The following ATP9B variants were observed in gnomAD, a reference collection of about 807,000 sequenced individuals.
The protein encoded by ATP9B is ATPase phospholipid transporting 9B.
In ATP9B, 110 loss-of-function variants were observed where a neutral mutation model predicts 146.1. The ratio of observed to expected loss-of-function variants is 0.75; its 90% CI spans 0.65 to 0.88. The LOEUF (loss-of-function observed/expected upper bound fraction) is 0.88, where lower values mean the gene tolerates loss of function less well. ATP9B is among the 40% of genes least tolerant of loss of function. The pLI, the probability that ATP9B is intolerant of heterozygous loss-of-function variation, is 0.00. For synonymous variants in ATP9B, 604 were observed against 569.7 expected (o/e 1.06, Z -0.86); for missense variants, 1,499 against 1,496.4 (o/e 1.00, Z -0.03).
chr18:79,074,183 T>C (rs575883371), intron 1 of ATP9B, among the ~76,000 whole-genome samples: 1 of 152,274 alleles, frequency 6.6e-6, no homozygotes, highest in East Asian at 1.9e-4. Flanking sequence ...CTGGTCTCTG[T>C]TGGTGCTGCG....
At position 79,368,114 on chromosome 18, in the gene ATP9B, G is replaced by T. The variant is rs150553923; in HGVS notation, c.3013-4711G>T. On this transcript the variant is annotated intron_variant, in intron 26 of 29. Transcript: ENST00000426216. ...GAGCTGGACGGCGCCGTGGCCCCGG[G>T]TGAGCTGGAGGGCGCCATGGGGCTG... is the stretch of plus-strand genomic sequence containing the variant. Among the ~76,000 whole-genome samples, 231 of 152,304 alleles carry T rather than the reference G, an allele frequency of 1.5e-3. 6 individuals carry two copies. The East Asian group carries it at 0.033, about 22-fold the overall frequency.
At chr18:79,330,562 G>A (rs762633714) in intron 17 of ATP9B, among the ~76,000 whole-genome samples, 4 of 151,906 alleles carry the variant, frequency 2.6e-5, no homozygotes, top group Non-Finnish European at 5.9e-5. Context: ...ACAGGCACCC[G>A]CCACCATGCC....
chr18:79,149,091 T>G (rs2094640698), intron 6 of ATP9B, among the ~76,000 whole-genome samples: 1 of 152,242 alleles, frequency 6.6e-6, no homozygotes, highest in Admixed American at 6.5e-5. Context: ...TTTCCCAAAA[T>G]TGTTTTGTAC....
At chr18:79,337,496 A>T (rs1191032080) in intron 19 of ATP9B, 47 bp downstream of exon 19, 1 of 1,582,036 alleles carries the variant, frequency 6.3e-7, no homozygotes, top group African/African-American at 1.3e-5. Flanking sequence ...TTGCTGAAGC[A>T]AACAGTGCTT....
chr18:79,349,450 G>T (rs1419444053), intron 25 of ATP9B, among the ~76,000 whole-genome samples: 3 of 152,202 alleles, frequency 2.0e-5, no homozygotes. Flanking sequence ...GTTGTCAGGG[G>T]CTGGCGCCGG....
chr18:79,087,974 A>G (rs185391191), intron 1 of ATP9B, among the ~76,000 whole-genome samples: 8 of 152,332 alleles, frequency 5.3e-5, no homozygotes, highest in Middle Eastern at 3.4e-3. Flanking sequence ...TTAAGTGTGT[A>G]TGACACCAGG....
chr18:79,082,036 A>G (rs937859340), intron 1 of ATP9B, among the ~76,000 whole-genome samples: 3 of 152,292 alleles, frequency 2.0e-5, no homozygotes, highest in Non-Finnish European at 4.4e-5. Flanking sequence ...CGTCACATTC[A>G]TTCACACAAT....
chr18:79,125,424 A>T (rs1238326841), intron 4 of ATP9B, among the ~76,000 whole-genome samples: 2 of 152,330 alleles, frequency 1.3e-5, no homozygotes, highest in South Asian at 2.1e-4. Context: ...AATACAAGAA[A>T]CATTCTTCAG....
intron 23 of ATP9B, 145 bp from the exon 24 acceptor site, chr18:79,347,625 C>T (rs1161312274): frequency 5.2e-6 from 5 of 956,542 alleles, no homozygotes; most frequent in Non-Finnish European, 7.4e-6. Context: ...AGGACCTGTC[C>T]CCATCGACGG....
At chr18:79,260,467 T>C (rs2096128718) in intron 12 of ATP9B, among the ~76,000 whole-genome samples, 1 of 152,152 alleles carries the variant, frequency 6.6e-6, no homozygotes, top group Non-Finnish European at 1.5e-5. Flanking sequence ...AGGGGCTGAC[T>C]AAAGGATCTA....
At position 79,176,868 on chromosome 18, in the gene ATP9B, G is replaced by C; in HGVS notation, c.834G>C (p.Lys278Asn). The C allele has an allele frequency of 6.2e-7, 1 of 1,614,154 alleles. No individual in the cohort carries two copies. The highest frequency in any genetic ancestry group is 1.1e-5 in the South Asian group (1 of 91,080). ...ATGGTGAAACTGACTGGAAGCTGAAGGTGGCAGTGAGCTGCACGCAACAGC... is the reference window on the plus strand; with the variant it reads ...ATGGTGAAACTGACTGGAAGCTGAACGTGGCAGTGAGCTGCACGCAACAGC... ...QLDGETDWKL[K>N]VAVSCTQQLP... The change falls in exon 8 of 30, where the codon AAG becomes AAC. Residue 278 changes from lysine (K) to asparagine (N), a missense_variant. By Grantham distance (94) the Lys-to-Asn change is moderately conservative. Coordinates refer to ENST00000426216, the MANE Select transcript of ATP9B (RefSeq NM_198531.5).
chr18:79,110,586 ACT>A lies in ATP9B; in HGVS notation c.444+84_444+85del, dbSNP rs1025589242. 2.2e-4 allele frequency: 296 copies of A among 1,362,930 alleles called. 1 individual carries two copies. The African/African-American group carries it at 4.0e-3, about 19-fold the overall frequency. The allele number at this position is 1,362,930 out of a possible 1,614,324, so 84.4% of individuals were successfully genotyped here. A position where few individuals can be genotyped will look rare whatever the true frequency, so the allele number is the denominator to read the frequency against. On this transcript the variant is annotated intron_variant, in intron 3 of 29. Coordinates refer to ENST00000426216, the MANE Select transcript of ATP9B (RefSeq NM_198531.5). ...TTGCTATAGGATGGAGCCTGTTGAG[ACT>A]CTGACTTAGGTATTGAGTTGTGTCA...
At chr18:79,216,391 C>T (rs1378323650) in intron 11 of ATP9B, among the ~76,000 whole-genome samples, 2 of 152,240 alleles carry the variant, frequency 1.3e-5, no homozygotes, top group Non-Finnish European at 2.9e-5. Context: ...CCTCTTCACC[C>T]TCTCCACCCT....
chr18:79,073,674 G>T (rs183570811), intron 1 of ATP9B, among the ~76,000 whole-genome samples: 1 of 152,244 alleles, frequency 6.6e-6, no homozygotes, highest in South Asian at 2.1e-4. Flanking sequence ...CGGAGACGAC[G>T]GAGAGGGAGA....
At chr18:79,291,012 G>A (rs907347206) in intron 13 of ATP9B, among the ~76,000 whole-genome samples, 4 of 152,168 alleles carry the variant, frequency 2.6e-5, no homozygotes, top group Admixed American at 2.0e-4. Flanking sequence ...CTCTGCAGCT[G>A]TGTCTCAGAA....
At chr18:79,303,548 G>A (rs1344203915) in intron 13 of ATP9B, 56 bp from the exon 14 acceptor site, 12 of 1,417,006 alleles carry the variant, frequency 8.5e-6, no homozygotes, top group African/African-American at 1.4e-5. Flanking sequence ...AGGAAAGCTG[G>A]GTGTTCCCGC....
At chr18:79,300,546 G>A (rs1248365571) in intron 13 of ATP9B, among the ~76,000 whole-genome samples, 1 of 152,138 alleles carries the variant, frequency 6.6e-6, no homozygotes, top group Non-Finnish European at 1.5e-5. Context: ...TGTGGGTTGC[G>A]GTGAGGACAC....
rs557857272 is a variant in ATP9B, at chr18:79,317,600, T to C, written c.1773+10366T>C. ...AAAATATTAAGATACATGATGATAA[T>C]AGCCAAAAGTCAAGAGGCGATTGAT... On this transcript the variant is annotated intron_variant, in intron 15 of 29. Transcript: ENST00000426216. Among the ~76,000 whole-genome samples the C allele has an allele frequency of 7.9e-4, 120 of 152,270 alleles. No individual in the cohort carries two copies. The South Asian group carries it at 0.024, about 31-fold the overall frequency.
At chr18:79,297,186 C>T (rs191524187) in intron 13 of ATP9B, among the ~76,000 whole-genome samples, 1 of 149,076 alleles carries the variant, frequency 6.7e-6, no homozygotes, top group East Asian at 2.0e-4. Context: ...AGAGAGATGA[C>T]CCAGAGAGGA....
Sources: allele counts gnomAD v4.1 joint callset (sites outside exome capture counted in the v4.1 genomes callset), GRCh38; gene constraint gnomAD v4.1.1; transcripts MANE v1.5; gene names NCBI Gene and HGNC (gene_info 2026-07-23, HGNC 2026-07-21).